The following FARS2 variants were observed in gnomAD, a reference collection of about 807,000 sequenced individuals.
FARS2 encodes phenylalanine--tRNA ligase, mitochondrial.
Under a neutral mutation model 46.4 loss-of-function variants are expected in FARS2, and 40 were observed. That is an observed-to-expected ratio of 0.86 (90% confidence interval 0.67 to 1.12). FARS2 has a LOEUF of 1.12. Among genes scored for constraint, FARS2 ranks in the 50% most tolerant of loss-of-function variants. FARS2 has a pLI of 0.00. For missense variants in FARS2, 513 were observed against 567.9 expected, an observed-to-expected ratio of 0.90 and a Z score of 0.98; for synonymous variants, 234 against 214.9, an observed-to-expected ratio of 1.09 and a Z score of -0.78.
intron 3 of FARS2, among the ~76,000 whole-genome samples, chr6:5,421,310 A>C (rs1225017007): frequency 6.6e-6 from 1 of 152,018 alleles, no homozygotes; most frequent in Non-Finnish European, 1.5e-5. Flanking sequence ...CAGCATGGGG[A>C]CCCTGGGCCT....
In FARS2 at chr6:5,709,534, C is replaced by T. The variant is rs191001701; in HGVS notation, c.1218-61757C>T. On this transcript the variant is annotated intron_variant, in intron 6 of 6. Coordinates refer to ENST00000274680, the MANE Select transcript of FARS2 (RefSeq NM_006567.5). ...GTATTCTTTCCTTTAGTGTAAGGTT[C>T]CTGGATTTAAAAAAAAAATGGTTTG... Among the ~76,000 whole-genome samples, 893 of 152,088 alleles carry T rather than the reference C, an allele frequency of 5.9e-3. 4 individuals carry two copies. Among genetic ancestry groups the T allele is most frequent in the Admixed American group, 0.011 (161 of 15,294 alleles).
intron 5 of FARS2, among the ~76,000 whole-genome samples, chr6:5,605,507 C>A (rs376832081): frequency 6.6e-6 from 1 of 152,228 alleles, no homozygotes; most frequent in Non-Finnish European, 1.5e-5. Context: ...TGGGCAAGAA[C>A]CCAGACCACC....
chr6:5,296,854 C>T (rs541845773), intron 1 of FARS2, among the ~76,000 whole-genome samples: 14 of 152,292 alleles, frequency 9.2e-5, no homozygotes, highest in African/African-American at 2.9e-4. Context: ...TTCTACCTTT[C>T]GGCTATTATG....
At chr6:5,656,096 A>G (rs1777595263) in intron 6 of FARS2, among the ~76,000 whole-genome samples, 1 of 152,196 alleles carries the variant, frequency 6.6e-6, no homozygotes, top group South Asian at 2.1e-4. Context: ...CAGTATCGCC[A>G]TTTTTCTTGG....
At chr6:5,252,463 G>A in the FARS2 span, among the ~76,000 whole-genome samples, 22 of 152,188 alleles carry the variant, frequency 1.4e-4, no homozygotes, top group African/African-American at 4.1e-4. Flanking sequence ...AATTACCCAC[G>A]TCTGGTTCTG....
chr6:5,318,947 G>A (rs1057352069), intron 1 of FARS2, among the ~76,000 whole-genome samples: 7 of 152,120 alleles, frequency 4.6e-5, no homozygotes, highest in African/African-American at 1.4e-4. Context: ...CCTGCTTCCC[G>A]ACCCTATTCT....
At chr6:5,559,066 T>G (rs1771837079) in intron 5 of FARS2, among the ~76,000 whole-genome samples, 1 of 152,106 alleles carries the variant, frequency 6.6e-6, no homozygotes, top group East Asian at 1.9e-4. Flanking sequence ...AGCCAGCTAT[T>G]TACCTCTGTC....
In FARS2 at chr6:5,771,378, G is replaced by A. The variant is rs774824864; in HGVS notation, c.1305G>A (p.Gln435=). The A allele has an allele frequency of 6.2e-7, 1 of 1,614,260 alleles. No homozygotes were observed. Among genetic ancestry groups the A allele is most frequent in the Non-Finnish European group, 8.5e-7 (1 of 1,180,040 alleles). The change falls in exon 7 of 7, where the codon CAG becomes CAA. Residue 435 remains glutamine, a synonymous_variant. Coordinates refer to ENST00000274680, the MANE Select transcript of FARS2 (RefSeq NM_006567.5). ...AGAGAGAGGTCAGGCACATCCACCA[G>A]GCCTTGCAGGAGGCTGCAGTCCAGC... is the stretch of plus-strand genomic sequence containing the variant. ...LSQREVRHIH[Q]ALQEAAVQLL...
chr6:5,578,826 A>ACC (rs1561727273), intron 5 of FARS2, among the ~76,000 whole-genome samples: 12 of 142,556 alleles, frequency 8.4e-5, no homozygotes, highest in African/African-American at 2.3e-4. Flanking sequence ...AAAAAAAAAA[A>ACC]AAAAAAACAA....
intron 5 of FARS2, chr6:5,610,141 C>G (rs1775088851): frequency 5.5e-6 from 6 of 1,096,458 alleles, no homozygotes; most frequent in Non-Finnish European, 2.8e-6. Context: ...AAGCTCAACC[C>G]TCCAATGAAG....
intron 6 of FARS2, among the ~76,000 whole-genome samples, chr6:5,635,686 T>C (rs73360276): frequency 0.047 from 7,144 of 152,074 alleles, 462 homozygotes; most frequent in African/African-American, 0.14. Flanking sequence ...GTGTGCAGGG[T>C]GGCGTTGGAT....
At chr6:5,500,018 G>T (rs1767695804) in intron 4 of FARS2, among the ~76,000 whole-genome samples, 2 of 152,290 alleles carry the variant, frequency 1.3e-5, no homozygotes, top group Admixed American at 1.3e-4. Flanking sequence ...ACTGTACCAA[G>T]CTGAGGTAGC....
At chr6:5,671,712 C>A (rs1056421692) in intron 6 of FARS2, among the ~76,000 whole-genome samples, 14 of 152,154 alleles carry the variant, frequency 9.2e-5, no homozygotes, top group African/African-American at 3.4e-4. Context: ...AAAGATGTTG[C>A]CACTGAAGAG....
At chr6:5,335,220 A>G (rs1030124905) in intron 1 of FARS2, among the ~76,000 whole-genome samples, 1 of 152,146 alleles carries the variant, frequency 6.6e-6, no homozygotes, top group Non-Finnish European at 1.5e-5. Flanking sequence ...TGACTCTTGT[A>G]TTTACAAAGC....
intron 5 of FARS2, among the ~76,000 whole-genome samples, chr6:5,602,692 C>A: frequency 7.0e-6 from 1 of 143,570 alleles, no homozygotes; most frequent in East Asian, 2.1e-4. Flanking sequence ...AGGATTTTAA[C>A]CTTGGAAGGT....
At chr6:5,763,794 A>G (rs1385238190) in intron 6 of FARS2, among the ~76,000 whole-genome samples, 5 of 145,830 alleles carry the variant, frequency 3.4e-5, no homozygotes, top group African/African-American at 1.3e-4. Flanking sequence ...TTTAACATAG[A>G]GAAGGTAAAG....
intron 6 of FARS2, among the ~76,000 whole-genome samples, chr6:5,626,216 C>T (rs1169861453): frequency 6.6e-6 from 1 of 152,080 alleles, no homozygotes; most frequent in Non-Finnish European, 1.5e-5. Context: ...TCATCAGACA[C>T]GTAGGAAATG....
At chr6:5,405,328 C>A (rs1761503776) in intron 3 of FARS2, among the ~76,000 whole-genome samples, 1 of 151,902 alleles carries the variant, frequency 6.6e-6, no homozygotes, top group Non-Finnish European at 1.5e-5. Context: ...CACTCAGAAA[C>A]TTTTAGCTAG....
intron 1 of FARS2, among the ~76,000 whole-genome samples, chr6:5,273,953 T>G (rs1766148447): frequency 6.6e-6 from 1 of 152,240 alleles, no homozygotes; most frequent in African/African-American, 2.4e-5. Flanking sequence ...GTAAATGTAT[T>G]GATTTATATC....
Sources: allele counts gnomAD v4.1 joint callset (sites outside exome capture counted in the v4.1 genomes callset), GRCh38; gene constraint gnomAD v4.1.1; transcripts MANE v1.5; gene names NCBI Gene and HGNC (gene_info 2026-07-23, HGNC 2026-07-21).